HMCN1: variants seen among roughly 807,000 people sequenced by gnomAD.
HMCN1 encodes hemicentin-1.
HMCN1 carries 321 observed loss-of-function variants against 625.9 expected under a neutral mutation model. The ratio of observed to expected loss-of-function variants is 0.51; its 90% CI spans 0.47 to 0.56. The LOEUF is 0.56. Among genes scored for constraint, HMCN1 ranks in the 20% least tolerant of loss-of-function variants. HMCN1 has a pLI of 0.00. For missense variants in HMCN1, 6,588 were observed against 6,887.3 expected (o/e 0.96, Z 1.54); for synonymous variants, 2,425 against 2,417.6 (o/e 1.00, Z -0.09).
intron 1 of HMCN1, among the ~76,000 whole-genome samples, chr1:185,820,565 C>T (rs1036251049): frequency 5.9e-5 from 9 of 152,118 alleles, no homozygotes; most frequent in African/African-American, 2.2e-4. Context: ...TAATCTTCCT[C>T]TGAACATAAA....
chr1:186,067,688 T>A, intron 49 of HMCN1, 146 bp from the exon 50 acceptor site: 2 of 602,974 alleles, frequency 3.3e-6, no homozygotes, highest in South Asian at 4.4e-5. Flanking sequence ...ATCACTCTTT[T>A]GTGTAAAATA....
intron 97 of HMCN1, among the ~76,000 whole-genome samples, chr1:186,160,164 C>G (rs377112222): frequency 2.2e-4 from 32 of 146,296 alleles, no homozygotes; most frequent in African/African-American, 6.3e-4. Flanking sequence ...TGTATGTGTC[C>G]AGGAATTTAT....
At chr1:186,156,126 A>T (rs947058299) in intron 97 of HMCN1, among the ~76,000 whole-genome samples, 44 of 152,244 alleles carry the variant, frequency 2.9e-4, no homozygotes, top group African/African-American at 8.4e-4. Flanking sequence ...ACTTATTTTT[A>T]AAATTAATTA....
At chr1:185,867,739 A>G (rs1036773660) in intron 4 of HMCN1, among the ~76,000 whole-genome samples, 16 of 152,104 alleles carry the variant, frequency 1.1e-4, no homozygotes, top group Admixed American at 5.9e-4. Context: ...TAGTTGCTCA[A>G]TGGGACCTGT....
intron 83 of HMCN1, among the ~76,000 whole-genome samples, chr1:186,129,725 A>G (rs2102514295): frequency 6.6e-6 from 1 of 152,282 alleles, no homozygotes; most frequent in East Asian, 1.9e-4. Context: ...ATAATTTTTA[A>G]AAGATGTTTG....
intron 2 of HMCN1, among the ~76,000 whole-genome samples, chr1:185,858,934 C>G (rs1276325290): frequency 6.6e-6 from 1 of 151,668 alleles, no homozygotes; most frequent in Non-Finnish European, 1.5e-5. Context: ...GCAGCCTAGT[C>G]CTGTTCTGCC....
rs536206852 is a variant in HMCN1 at position 186,190,486 on chromosome 1, A to G, written c.*608A>G. On this transcript the variant is annotated 3_prime_UTR_variant, in exon 107 of 107. Coordinates refer to ENST00000271588, the MANE Select transcript of HMCN1 (RefSeq NM_031935.3). The stretch of plus-strand genomic sequence containing the variant: ...TTATCTTGATTGAACATTCAGAACA[A>G]GGATATTATTTTCAGTGATTTTGTG... The G allele has an allele frequency of 9.9e-6, 2 of 201,076 alleles. No individual in the cohort carries two copies. The highest frequency in any genetic ancestry group is 2.3e-5 in the African/African-American group (1 of 43,664). The allele number at this position is 201,076 out of a possible 1,614,324, so 12.5% of individuals were successfully genotyped here.
intron 7 of HMCN1, among the ~76,000 whole-genome samples, 188 bp downstream of exon 7, chr1:185,922,687 A>T (rs1667062085): frequency 6.6e-6 from 1 of 152,120 alleles, no homozygotes; most frequent in African/African-American, 2.4e-5. Flanking sequence ...TATAAAAATC[A>T]CTCAGGATGC....
intron 1 of HMCN1, among the ~76,000 whole-genome samples, chr1:185,742,722 A>G (rs776871468): frequency 1.4e-4 from 22 of 152,204 alleles, no homozygotes; most frequent in Non-Finnish European, 2.9e-4. Flanking sequence ...GCTGAATGCA[A>G]TGCACTAAAA....
chr1:185,884,426 C>A (rs1021411946), intron 4 of HMCN1, among the ~76,000 whole-genome samples: 22 of 151,968 alleles, frequency 1.4e-4, no homozygotes, highest in African/African-American at 5.3e-4. Context: ...TCTTAAAAAT[C>A]TAACTGCTTC....
chr1:185,767,353 T>C (rs1655940322), intron 1 of HMCN1, among the ~76,000 whole-genome samples: 2 of 152,212 alleles, frequency 1.3e-5, no homozygotes, highest in South Asian at 2.1e-4. Flanking sequence ...TGAACACTTG[T>C]GAATTTTGAG....
At chr1:185,797,002 C>A (rs1658433837) in intron 1 of HMCN1, among the ~76,000 whole-genome samples, 1 of 152,166 alleles carries the variant, frequency 6.6e-6, no homozygotes, top group Admixed American at 6.5e-5. Context: ...TCCTCGACAA[C>A]ATCTGTTATT....
chr1:186,053,896 A>G lies in HMCN1; in HGVS notation c.6772A>G (p.Ile2258Val), dbSNP rs2102281669. ...LSGGRQLQIS[I>V]AEKSDAALYS... Reference sequence around the variant, plus strand: ...TGGGGGCAGGCAATTACAAATTTCAATTGCTGAAAAGTCTGATGCAGCACT... The same window carrying G: ...TGGGGGCAGGCAATTACAAATTTCAGTTGCTGAAAAGTCTGATGCAGCACT... Residue 2258 changes from isoleucine (I) to valine (V), a missense_variant, in exon 44 of 107, where the codon ATT becomes GTT. Coordinates refer to ENST00000271588, the MANE Select transcript of HMCN1 (RefSeq NM_031935.3). The G allele has an allele frequency of 3.1e-6, 5 of 1,612,744 alleles. No individual in the cohort carries two copies. Among genetic ancestry groups the G allele is most frequent in the South Asian group, 1.1e-5 (1 of 91,060 alleles).
chr1:185,949,505 A>T (rs1474779779), intron 11 of HMCN1, among the ~76,000 whole-genome samples: 1 of 151,964 alleles, frequency 6.6e-6, no homozygotes. Context: ...TGTTTTTAAA[A>T]GACCTTTAGT....
At chr1:186,018,484 T>A (rs1038929520) in intron 34 of HMCN1, 132 bp downstream of exon 34, 15 of 930,092 alleles carry the variant, frequency 1.6e-5, no homozygotes, top group Admixed American at 7.9e-5. Context: ...GGATGTGAAT[T>A]TCAGTTGTAT....
intron 1 of HMCN1, among the ~76,000 whole-genome samples, chr1:185,803,188 C>CAAAAAAAAAAAAAAAAAAAAA (rs1245942461): frequency 8.9e-5 from 3 of 33,808 alleles, no homozygotes; most frequent in Non-Finnish European, 2.1e-4. Flanking sequence ...TTAGCAGAAC[C>CAAAAAAAAAAAAAAAAAAAAA]AAAAAAAAAA....
At chr1:186,059,845 T>C (rs975681529) in intron 46 of HMCN1, among the ~76,000 whole-genome samples, 19 of 152,028 alleles carry the variant, frequency 1.2e-4, no homozygotes, top group African/African-American at 4.6e-4. Context: ...TGGTTTTCAC[T>C]GGATTAAGCG....
At chr1:185,908,985 C>A (rs1666256919) in intron 4 of HMCN1, among the ~76,000 whole-genome samples, 1 of 151,960 alleles carries the variant, frequency 6.6e-6, no homozygotes, top group Non-Finnish European at 1.5e-5. Context: ...AGGGATTGCA[C>A]ATGTTAGCAC....
At chr1:185,882,519 T>A (rs116476199) in intron 4 of HMCN1, among the ~76,000 whole-genome samples, 1,938 of 152,094 alleles carry the variant, frequency 0.013, 45 homozygotes, top group African/African-American at 0.044. Flanking sequence ...CCTGTTTTTT[T>A]AAAAAAGTTT....
Sources: allele counts gnomAD v4.1 joint callset (sites outside exome capture counted in the v4.1 genomes callset), GRCh38; gene constraint gnomAD v4.1.1; transcripts MANE v1.5; gene names NCBI Gene and HGNC (gene_info 2026-07-23, HGNC 2026-07-21).